Variants in RORC observed in about 807,000 individuals in gnomAD.
RORC encodes the protein nuclear receptor ROR-gamma.
RORC carries 13 observed loss-of-function variants against 64.5 expected under a neutral mutation model. The ratio of observed to expected loss-of-function variants is 0.20; its 90% confidence interval spans 0.13 to 0.32. The LOEUF (loss-of-function observed/expected upper bound fraction) is 0.32, where lower values mean the gene tolerates loss of function less well. Ranked by LOEUF, RORC falls within the 10% of genes least tolerant of loss-of-function variation. The pLI is 1.00. For missense variants in RORC, 468 were observed against 669.5 expected (o/e 0.70, Z 3.32); for synonymous variants, 277 against 259.3 (o/e 1.07, Z -0.65).
intron 2 of RORC, among the ~76,000 whole-genome samples, chr1:151,819,694 G>C (rs1651908372): frequency 6.6e-6 from 1 of 152,144 alleles, no homozygotes; most frequent in African/African-American, 2.4e-5. Flanking sequence ...GGTGACCCCA[G>C]ACACATCTCC....
At chr1:151,831,112 T>C (rs1572050393) in intron 1 of RORC, 1 of 1,287,316 alleles carries the variant, frequency 7.8e-7, no homozygotes. Context: ...TCCCTGCTGA[T>C]GGCCCAGTGC....
chr1:151,829,484 C>A, intron 1 of RORC, 26 bp from the exon 2 acceptor site: 1 of 1,512,070 alleles, frequency 6.6e-7, no homozygotes, highest in Admixed American at 2.5e-5. Context: ...AGGGGGTTGA[C>A]GTCAAAGGTT....
In RORC at chr1:151,813,297, G is replaced by A; in HGVS notation, c.1116C>T (p.Asp372=). 1 of 1,614,192 alleles carries A rather than the reference G, an allele frequency of 6.2e-7. No individual in the cohort carries two copies. The highest frequency in any genetic ancestry group is 8.5e-7 in the Non-Finnish European group (1 of 1,180,028). Residue 372 remains aspartate, a synonymous_variant, in exon 8 of 11, where the codon GAC becomes GAT. Transcript: ENST00000318247. Reference sequence around the variant, plus strand: ...TGCCTTCAAAAAAGACCGTGCGGTTGTCAGCATTGTAGGCCCGGCACATCC... The same window carrying A: ...TGCCTTCAAAAAAGACCGTGCGGTTATCAGCATTGTAGGCCCGGCACATCC... ...LVRMCRAYNA[D]NRTVFFEGKY...
chr1:151,831,640 T>C (rs1652421864), intron 1 of RORC, 85 bp downstream of exon 1: 1 of 1,606,330 alleles, frequency 6.2e-7, no homozygotes, highest in Non-Finnish European at 8.5e-7. Context: ...CCTCCTCACT[T>C]CTTGCCCAGT....
In RORC at chr1:151,816,663, C is replaced by T; in HGVS notation, c.298+1G>A. On this transcript the variant is annotated splice_donor_variant, in intron 4 of 10. Coordinates refer to ENST00000318247, the MANE Select transcript of RORC (RefSeq NM_005060.4). LOFTEE classifies it high-confidence loss of function. Reference sequence around the variant, plus strand: ...CCAGGGGGCTGTCGACTTGGCCTCACCATCTCGGGACATGCCCAGCGCCAG... The same window carrying T: ...CCAGGGGGCTGTCGACTTGGCCTCATCATCTCGGGACATGCCCAGCGCCAG... 1 of 1,603,058 alleles carries T rather than the reference C, an allele frequency of 6.2e-7. No individual in the cohort carries two copies. Among genetic ancestry groups the T allele is most frequent in the Non-Finnish European group, 8.5e-7 (1 of 1,175,232 alleles).
chr1:151,813,301 G>T lies in RORC; in HGVS notation c.1112C>A (p.Ala371Asp). Residue 371 changes from alanine (A) to aspartate (D), a missense_variant, in exon 8 of 11, where the codon GCT becomes GAT. By Grantham distance (126) the Ala-to-Asp change is moderately radical. Around this residue, in one of 5 missense-constraint regions of RORC, gnomAD observed 100 missense variants for 190.8 expected, o/e 0.52. Coordinates refer to ENST00000318247, the MANE Select transcript of RORC (RefSeq NM_005060.4). ...TTCAAAAAAGACCGTGCGGTTGTCA[G>T]CATTGTAGGCCCGGCACATCCTAAC... Reference protein sequence around the residue: ...VLVRMCRAYNADNRTVFFEGK... With the variant: ...VLVRMCRAYNDDNRTVFFEGK... 1.9e-6 allele frequency: 3 copies of T among 1,614,172 alleles called. No homozygotes were observed. The highest frequency in any genetic ancestry group is 2.5e-6 in the Non-Finnish European group (3 of 1,180,010).
chr1:151,813,779 A>G, intron 6 of RORC, 159 bp from the exon 7 acceptor site: 2 of 787,080 alleles, frequency 2.5e-6, no homozygotes, highest in Non-Finnish European at 3.9e-6. Flanking sequence ...AAATGCACAG[A>G]TTCCTGCCAG....
chr1:151,815,398 T>A lies in RORC; in HGVS notation c.326A>T (p.Lys109Met). ...TTCTGCATGCAGGCTGTCCCTCTGC[T>A]TCTTGGACATGCGGCCGAACTTGAC... ...DAVKFGRMSK[K>M]QRDSLHAEVQ... The change falls in exon 5 of 11, where the codon AAG becomes ATG. Residue 109 changes from lysine (K) to methionine (M), a missense_variant. Coordinates refer to ENST00000318247, the MANE Select transcript of RORC (RefSeq NM_005060.4). 6.5e-7 allele frequency: 1 copy of A among 1,535,856 alleles called. No individual in the cohort carries two copies. Among genetic ancestry groups the A allele is most frequent in the Non-Finnish European group, 8.8e-7 (1 of 1,141,618 alleles).
chr1:151,810,421 G>C (rs992882687), intron 10 of RORC, among the ~76,000 whole-genome samples: 1 of 151,868 alleles, frequency 6.6e-6, no homozygotes, highest in Non-Finnish European at 1.5e-5. Flanking sequence ...CATTTTCCTG[G>C]TGTCACTTAT....
chr1:151,814,834 G>A lies in RORC; in HGVS notation c.811+79C>T, dbSNP rs578152256. 48 of 1,553,826 alleles carry A rather than the reference G, an allele frequency of 3.1e-5. 1 individual carries two copies. In the South Asian group the frequency reaches 3.4e-4, roughly 11 times the overall value. ...TCTGGACCCCTCAATTCCCTCAGGC[G>A]CATGTTTGATTGATACGGGGTACTG... is the stretch of plus-strand genomic sequence containing the variant. On this transcript the variant is annotated intron_variant, in intron 5 of 10. Transcript: ENST00000318247.
chr1:151,810,971 T>C (rs1237884279), intron 10 of RORC, among the ~76,000 whole-genome samples: 2 of 152,232 alleles, frequency 1.3e-5, no homozygotes, highest in South Asian at 2.1e-4. Context: ...GAGTTAGTGA[T>C]ACACAGATCT....
At chr1:151,816,342 T>A (rs1303304112) in intron 4 of RORC, among the ~76,000 whole-genome samples, 3 of 152,124 alleles carry the variant, frequency 2.0e-5, no homozygotes, top group Non-Finnish European at 4.4e-5. Context: ...CAGGGGAAGG[T>A]GCCAGAGCTG....
rs200143664 is a variant in RORC at position 151,807,652 on chromosome 1, G to C, written c.1396-19C>G. 8 of 1,613,218 alleles carry C rather than the reference G, an allele frequency of 5.0e-6. No homozygotes were observed. The South Asian group carries it at 6.6e-5, about 13-fold the overall frequency. On this transcript the variant is annotated intron_variant, in intron 10 of 10. Transcript: ENST00000318247. This position sits in a 1 kb window ranked among gnomAD's most constrained non-coding sequence, Gnocchi z 5.0. ...GTGGCAGCTGGATATGGGTTAATGG[G>C]GAAGGGAGGGTCAATACTTCAGCTC...
At chr1:151,815,683 A>G (rs1364964491) in intron 4 of RORC, among the ~76,000 whole-genome samples, 1 of 152,220 alleles carries the variant, frequency 6.6e-6, no homozygotes, top group Non-Finnish European at 1.5e-5. Flanking sequence ...GATTTGAATC[A>G]TGGCAGAATT....
At chr1:151,818,175 C>G (rs532493779) in intron 2 of RORC, among the ~76,000 whole-genome samples, 2 of 152,326 alleles carry the variant, frequency 1.3e-5, no homozygotes, top group Admixed American at 6.5e-5. Context: ...ATCTACATCC[C>G]AGTTCCCCTG....
At chr1:151,828,092 A>C (rs1213249245) in intron 2 of RORC, among the ~76,000 whole-genome samples, 1 of 152,114 alleles carries the variant, frequency 6.6e-6, no homozygotes, top group African/African-American at 2.4e-5. Flanking sequence ...ACCCCCACCC[A>C]GGAGGAGGTA....
rs1651633715 is a variant in RORC, at chr1:151,813,720, T to C, written c.934-100A>G. 4 of 1,317,530 alleles carry C rather than the reference T, an allele frequency of 3.0e-6. No individual in the cohort carries two copies. The Admixed American group carries it at 6.8e-5, about 22-fold the overall frequency. The allele number at this position is 1,317,530 out of a possible 1,614,324, so 81.6% of individuals were successfully genotyped here. A position where few individuals can be genotyped will look rare whatever the true frequency, so the allele number is the denominator to read the frequency against. On this transcript the variant is annotated intron_variant, in intron 6 of 10. Transcript: ENST00000318247. Reference sequence around the variant, plus strand: ...CTAATAAACTGCAAGGGGTAGGCTCTGAACTCCTATGTTCTCAACTAGCAT... The same window carrying C: ...CTAATAAACTGCAAGGGGTAGGCTCCGAACTCCTATGTTCTCAACTAGCAT...
intron 4 of RORC, among the ~76,000 whole-genome samples, chr1:151,815,849 C>T (rs1430757654): frequency 1.3e-5 from 2 of 152,138 alleles, no homozygotes; most frequent in Non-Finnish European, 2.9e-5. Flanking sequence ...GTGGTCAGGC[C>T]TGCAGGCTCC....
chr1:151,824,473 T>C (rs1252191777), intron 2 of RORC, among the ~76,000 whole-genome samples: 1 of 152,208 alleles, frequency 6.6e-6, no homozygotes, highest in Admixed American at 6.5e-5. Flanking sequence ...TTGCTGCTAA[T>C]AGAGAGAAGC....
Sources: allele counts gnomAD v4.1 joint callset (sites outside exome capture counted in the v4.1 genomes callset), GRCh38; gene constraint gnomAD v4.1.1; regional missense constraint gnomAD v4.1.1; non-coding constraint Gnocchi (gnomAD v3.1); transcripts MANE v1.5; gene names NCBI Gene and HGNC (gene_info 2026-07-23, HGNC 2026-07-21).